Variants in ARMC2 observed in about 807,000 individuals in gnomAD.
ARMC2 encodes the protein armadillo repeat-containing protein 2.
A neutral mutation model predicts 90.3 loss-of-function variants in ARMC2; 67 were observed. The ratio of observed to expected loss-of-function variants is 0.74; its 90% CI spans 0.61 to 0.91. The LOEUF (loss-of-function observed/expected upper bound fraction) is 0.91. Among genes scored for constraint, ARMC2 ranks in the 40% least tolerant of loss-of-function variants. ARMC2 has a pLI of 0.00. For missense variants in ARMC2, 920 were observed against 1,030.9 expected, an observed-to-expected ratio of 0.89 and a Z score of 1.47; for synonymous variants, 393 against 393.0, an observed-to-expected ratio of 1.00 and a Z score of 0.00.
In ARMC2 at chr6:108,854,292, T is replaced by C; in HGVS notation, c.25T>C (p.Leu9=). Reference sequence around the variant, plus strand: ...GATGCTGTCTCCAAATGATAAAATGTTAGGAAAACTGGATCCATTTTATCA... The same window carrying C: ...GATGCTGTCTCCAAATGATAAAATGCTAGGAAAACTGGATCCATTTTATCA... MLSPNDKM[L]GKLDPFYQPS... The change falls in exon 2 of 18, where the codon TTA becomes CTA. Residue 9 remains leucine (L), a synonymous_variant. Transcript: ENST00000392644. 1 of 1,610,014 alleles carries C rather than the reference T, an allele frequency of 6.2e-7. No individual in the cohort carries two copies. Among genetic ancestry groups the C allele is most frequent in the South Asian group, 1.1e-5 (1 of 90,650 alleles).
intron 11 of ARMC2, among the ~76,000 whole-genome samples, chr6:108,932,602 C>T (rs1470460252): frequency 7.3e-6 from 1 of 137,226 alleles, no homozygotes; most frequent in Non-Finnish European, 1.5e-5. Flanking sequence ...GGTCTCGGCT[C>T]ACTGCAAGCT....
chr6:108,890,848 T>G (rs1282860107), intron 5 of ARMC2, among the ~76,000 whole-genome samples: 4 of 152,216 alleles, frequency 2.6e-5, no homozygotes. Flanking sequence ...GGTGGTTTGC[T>G]GCACCCATCA....
At chr6:108,984,091 T>C in the ARMC2 span, among the ~76,000 whole-genome samples, 1 of 152,158 alleles carries the variant, frequency 6.6e-6, no homozygotes, top group East Asian at 1.9e-4. Flanking sequence ...GGTTGTGCAC[T>C]CCTTGTAAGA....
intron 5 of ARMC2, among the ~76,000 whole-genome samples, chr6:108,883,846 G>C (rs967871066): frequency 2.0e-5 from 3 of 151,832 alleles, no homozygotes; most frequent in African/African-American, 7.3e-5. Flanking sequence ...CCTCCCTCCT[G>C]CCCTTCTGTT....
chr6:108,946,908 A>G (rs1776846226), intron 12 of ARMC2, among the ~76,000 whole-genome samples: 1 of 152,172 alleles, frequency 6.6e-6, no homozygotes, highest in Non-Finnish European at 1.5e-5. Context: ...TCGGGGAGGA[A>G]TGTGTTCACT....
chr6:108,921,854 G>A (rs927292179), intron 10 of ARMC2, among the ~76,000 whole-genome samples: 19 of 152,186 alleles, frequency 1.2e-4, no homozygotes, highest in African/African-American at 4.1e-4. Context: ...GACAAAGCTC[G>A]AGGGATTTCA....
At chr6:109,044,964 G>A in the ARMC2 span, among the ~76,000 whole-genome samples, 1 of 151,818 alleles carries the variant, frequency 6.6e-6, no homozygotes, top group Non-Finnish European at 1.5e-5. Flanking sequence ...TAGAGGTTGC[G>A]GTGAGCTGAG....
Position 108,962,024 on chromosome 6 carries a change from G to A in ARMC2, c.2049G>A (p.Lys683=), listed in dbSNP as rs1562433625. The part of the protein sequence containing the change: ...KKLYIAELLL[K]LLVSNNMDGI... Reference sequence around the variant, plus strand: ...GGTCGCCAAATCCAGTGCTCTTAAAGCTTCTTGTCAGTAACAACATGGATG... The same window carrying A: ...GGTCGCCAAATCCAGTGCTCTTAAAACTTCTTGTCAGTAACAACATGGATG... The change falls in exon 15 of 18, where the codon AAG becomes AAA. Residue 683 remains lysine (K), a synonymous_variant. Coordinates refer to ENST00000392644, the MANE Select transcript of ARMC2 (RefSeq NM_032131.6). The A allele has an allele frequency of 1.2e-6, 2 of 1,609,848 alleles. No individual in the cohort carries two copies. The highest frequency in any genetic ancestry group is 1.7e-5 in the Admixed American group (1 of 59,050).
the ARMC2 span, among the ~76,000 whole-genome samples, chr6:109,014,539 T>C: frequency 2.4e-3 from 362 of 152,368 alleles, 1 homozygote; most frequent in African/African-American, 8.3e-3. Context: ...TGTATTCACC[T>C]AAGTTCTTGA....
chr6:109,037,705 AATC>A, the ARMC2 span, among the ~76,000 whole-genome samples: 1 of 152,322 alleles, frequency 6.6e-6, no homozygotes, highest in South Asian at 2.1e-4. Context: ...AAACTTGGAC[AATC>A]ATCAATAAAA....
At chr6:109,036,466 G>C in the ARMC2 span, among the ~76,000 whole-genome samples, 1 of 152,144 alleles carries the variant, frequency 6.6e-6, no homozygotes, top group African/African-American at 2.4e-5. Context: ...CTTGGCTCCA[G>C]GAGAATGAAA....
chr6:109,029,725 T>A, the ARMC2 span, among the ~76,000 whole-genome samples: 1 of 151,992 alleles, frequency 6.6e-6, no homozygotes, highest in Non-Finnish European at 1.5e-5. Flanking sequence ...AGAGACAGAG[T>A]CTTGCCATGT....
At chr6:108,933,140 C>T (rs1775713886) in intron 11 of ARMC2, among the ~76,000 whole-genome samples, 1 of 151,530 alleles carries the variant, frequency 6.6e-6, no homozygotes, top group South Asian at 2.1e-4. Context: ...AGGATTGAAT[C>T]TGTAAATTGC....
chr6:109,007,462 C>T, the ARMC2 span, among the ~76,000 whole-genome samples: 17 of 152,138 alleles, frequency 1.1e-4, no homozygotes, highest in Non-Finnish European at 1.5e-4. Context: ...TTGTTTTCCT[C>T]GCTACACTAT....
At chr6:108,981,663 T>A in the ARMC2 span, among the ~76,000 whole-genome samples, 1 of 152,020 alleles carries the variant, frequency 6.6e-6, no homozygotes, top group Non-Finnish European at 1.5e-5. Context: ...CCTTACTTTT[T>A]TTTTTTTTCT....
the ARMC2 span, among the ~76,000 whole-genome samples, chr6:109,023,577 G>C: frequency 2.0e-5 from 3 of 152,114 alleles, no homozygotes; most frequent in African/African-American, 7.2e-5. Context: ...TCTGTCCCAG[G>C]TGCAAGGATT....
At chr6:109,044,868 A>T in the ARMC2 span, among the ~76,000 whole-genome samples, 282 of 152,238 alleles carry the variant, frequency 1.9e-3, no homozygotes, top group African/African-American at 6.5e-3. Flanking sequence ...TACTAAAAAT[A>T]CAAAATTAGC....
At chr6:108,901,582 A>T (rs1772168809) in intron 7 of ARMC2, among the ~76,000 whole-genome samples, 1 of 149,370 alleles carries the variant, frequency 6.7e-6, no homozygotes, top group African/African-American at 2.5e-5. Context: ...CACCCTGCTA[A>T]TTTTTTGTAT....
At chr6:108,985,863 T>TTTC in the ARMC2 span, among the ~76,000 whole-genome samples, 2 of 152,184 alleles carry the variant, frequency 1.3e-5, no homozygotes, top group African/African-American at 2.4e-5. Context: ...TATAAGTAAG[T>TTTC]TTCTTTAAAT....
Sources: allele counts gnomAD v4.1 joint callset (sites outside exome capture counted in the v4.1 genomes callset), GRCh38; gene constraint gnomAD v4.1.1; transcripts MANE v1.5; gene names NCBI Gene and HGNC (gene_info 2026-07-23, HGNC 2026-07-21).